The following FSTL5 variants were observed in gnomAD, a reference collection of about 807,000 sequenced individuals.
The protein encoded by FSTL5 is follistatin like 5.
FSTL5 carries 62 observed loss-of-function variants against 89.1 expected under a neutral mutation model. That is an observed-to-expected ratio of 0.70 (90% CI 0.57 to 0.86). The LOEUF (loss-of-function observed/expected upper bound fraction) is 0.86. Ranked by LOEUF, FSTL5 falls within the 40% of genes least tolerant of loss-of-function variation. The pLI is 0.00. For synonymous variants in FSTL5, 383 were observed against 346.2 expected (o/e 1.11, Z -1.18); for missense variants, 1,057 against 1,001.6 (o/e 1.06, Z -0.75).
intron 15 of FSTL5, among the ~76,000 whole-genome samples, chr4:161,454,454 C>A (rs746940277): frequency 2.0e-5 from 3 of 152,152 alleles, no homozygotes; most frequent in Non-Finnish European, 2.9e-5. Context: ...AGATAAAACA[C>A]ACTAACATCT....
At chr4:161,993,955 G>A (rs1181245495) in intron 3 of FSTL5, among the ~76,000 whole-genome samples, 4 of 152,126 alleles carry the variant, frequency 2.6e-5, no homozygotes, top group South Asian at 4.1e-4. Context: ...ATAGATAAAC[G>A]TGTCATGGGG....
intron 3 of FSTL5, among the ~76,000 whole-genome samples, chr4:161,997,334 A>T: frequency 6.6e-6 from 1 of 152,332 alleles, no homozygotes; most frequent in South Asian, 2.1e-4. Context: ...TAACTGACAA[A>T]GGAATGACTT....
At chr4:161,972,677 C>A (rs1735519019) in intron 3 of FSTL5, among the ~76,000 whole-genome samples, 1 of 152,158 alleles carries the variant, frequency 6.6e-6, no homozygotes, top group Non-Finnish European at 1.5e-5. Context: ...AAAACCACAG[C>A]CATGATTAAC....
chr4:161,751,616 A>T (rs900991655), intron 6 of FSTL5, among the ~76,000 whole-genome samples: 7 of 152,014 alleles, frequency 4.6e-5, no homozygotes, highest in African/African-American at 1.7e-4. Flanking sequence ...CTCTACTAAA[A>T]AAATAAATAA....
At chr4:161,526,548 T>G (rs1026113596) in intron 10 of FSTL5, among the ~76,000 whole-genome samples, 1 of 152,184 alleles carries the variant, frequency 6.6e-6, no homozygotes, top group Admixed American at 6.5e-5. Context: ...TGGTAATGCC[T>G]AGGTTTTCTT....
At chr4:161,544,901 A>C (rs1382641198) in intron 8 of FSTL5, among the ~76,000 whole-genome samples, 1 of 152,010 alleles carries the variant, frequency 6.6e-6, no homozygotes, top group Non-Finnish European at 1.5e-5. Flanking sequence ...TATAAAAGTC[A>C]CTCACTGAAT....
chr4:162,129,854 G>A (rs866490909), intron 1 of FSTL5, among the ~76,000 whole-genome samples: 1 of 152,110 alleles, frequency 6.6e-6, no homozygotes, highest in African/African-American at 2.4e-5. Context: ...ATGAAGGAAG[G>A]ATAGGAAAGA....
intron 13 of FSTL5, among the ~76,000 whole-genome samples, chr4:161,479,518 T>A (rs1729424609): frequency 1.3e-5 from 2 of 152,180 alleles, no homozygotes; most frequent in Non-Finnish European, 2.9e-5. Context: ...GGAGTTTTGA[T>A]AATCCCAAAA....
chr4:162,011,838 T>G (rs1736778409), intron 3 of FSTL5, among the ~76,000 whole-genome samples: 1 of 152,024 alleles, frequency 6.6e-6, no homozygotes, highest in African/African-American at 2.4e-5. Context: ...TTTCAGTTGT[T>G]TCATTTGTTT....
rs1431656618 is a variant in FSTL5, at chr4:161,471,744, TA to T, written c.1608+9275del. 8.5e-5 allele frequency among the ~76,000 whole-genome samples: 13 copies of T among 152,274 alleles called. No individual in the cohort carries two copies. In the East Asian group the frequency reaches 2.5e-3, roughly 29 times the overall value. ...TTTTCCTAGCATTTGTAAGTAAATT[TA>T]TTTTTTTCTATTTTAATTTAGTCTT... On this transcript the variant is annotated intron_variant, in intron 13 of 15. Coordinates refer to ENST00000306100, the MANE Select transcript of FSTL5 (RefSeq NM_020116.5).
intron 4 of FSTL5, among the ~76,000 whole-genome samples, chr4:161,811,649 G>GA (rs1475201837): frequency 6.6e-6 from 1 of 151,832 alleles, no homozygotes. Context: ...AAGCGGGCTT[G>GA]AAAAAAATAA....
chr4:161,876,561 C>G (rs531914911), intron 4 of FSTL5, among the ~76,000 whole-genome samples: 21 of 152,198 alleles, frequency 1.4e-4, no homozygotes, highest in African/African-American at 5.1e-4. Flanking sequence ...CTTCATATTA[C>G]AGTAACTTGT....
At chr4:162,031,722 G>T (rs1483563) in intron 3 of FSTL5, among the ~76,000 whole-genome samples, 1 of 151,924 alleles carries the variant, frequency 6.6e-6, no homozygotes, top group African/African-American at 2.4e-5. Context: ...AGGATTATGA[G>T]GTCAAGAGAT....
At chr4:161,548,905 C>T (rs544838952) in intron 8 of FSTL5, among the ~76,000 whole-genome samples, 104 of 151,702 alleles carry the variant, frequency 6.9e-4, no homozygotes, top group Non-Finnish European at 1.5e-3. Context: ...ATTCCAATAC[C>T]AAAAAGCATA....
chr4:161,484,942 A>G (rs910610955), intron 12 of FSTL5, among the ~76,000 whole-genome samples: 1 of 152,132 alleles, frequency 6.6e-6, no homozygotes, highest in Non-Finnish European at 1.5e-5. Flanking sequence ...GCCTAATTTG[A>G]TATGATCCAG....
At chr4:161,666,410 C>T (rs1209825466) in intron 6 of FSTL5, among the ~76,000 whole-genome samples, 3 of 152,028 alleles carry the variant, frequency 2.0e-5, no homozygotes, top group Admixed American at 6.6e-5. Context: ...AAATACAAAG[C>T]AACATAAATT....
chr4:161,985,395 T>G (rs1451376540), intron 3 of FSTL5, among the ~76,000 whole-genome samples: 1 of 152,116 alleles, frequency 6.6e-6, no homozygotes, highest in Admixed American at 6.6e-5. Context: ...ACTAGTTTTT[T>G]TGAAAAGTTT....
intron 12 of FSTL5, among the ~76,000 whole-genome samples, chr4:161,489,837 A>C (rs1189385521): frequency 1.3e-5 from 2 of 152,170 alleles, no homozygotes; most frequent in Admixed American, 6.6e-5. Context: ...CAACCTTTTC[A>C]TTAAACTTTG....
At chr4:161,863,973 G>T (rs1731999686) in intron 4 of FSTL5, among the ~76,000 whole-genome samples, 1 of 152,126 alleles carries the variant, frequency 6.6e-6, no homozygotes, top group Non-Finnish European at 1.5e-5. Context: ...TATTGTTTTT[G>T]TTGACATTTG....
Sources: allele counts gnomAD v4.1 joint callset (sites outside exome capture counted in the v4.1 genomes callset), GRCh38; gene constraint gnomAD v4.1.1; transcripts MANE v1.5; gene names NCBI Gene and HGNC (gene_info 2026-07-23, HGNC 2026-07-21).